DENND5B: variants seen among roughly 807,000 people sequenced by gnomAD.
DENND5B encodes DENN domain containing 5B.
In DENND5B, 34 loss-of-function variants were observed where a neutral mutation model predicts 140.6. The ratio of observed to expected loss-of-function variants is 0.24; its 90% CI spans 0.18 to 0.32. DENND5B has a LOEUF of 0.32. Among genes scored for constraint, DENND5B ranks in the 10% least tolerant of loss-of-function variants. DENND5B has a pLI of 1.00. For synonymous variants in DENND5B, 551 were observed against 562.1 expected (o/e 0.98, Z 0.28); for missense variants, 1,142 against 1,560.2 (o/e 0.73, Z 4.52).
intron 11 of DENND5B, among the ~76,000 whole-genome samples, chr12:31,422,942 C>CT (rs369745344): frequency 0.1 from 14,664 of 139,838 alleles, 926 homozygotes; most frequent in East Asian, 0.24. Flanking sequence ...GTTATAAAAA[C>CT]TTTTTTTTTT....
At chr12:31,406,959 C>T (rs1018223081) in intron 14 of DENND5B, among the ~76,000 whole-genome samples, 40 of 151,412 alleles carry the variant, frequency 2.6e-4, no homozygotes, top group African/African-American at 9.2e-4. Context: ...CCACCACGTC[C>T]GGCTAATTTT....
At chr12:31,520,715 T>C (rs534165687) in intron 1 of DENND5B, among the ~76,000 whole-genome samples, 1 of 152,168 alleles carries the variant, frequency 6.6e-6, no homozygotes, top group East Asian at 1.9e-4. Flanking sequence ...TAATTTTTGG[T>C]ATTTTTAATA....
intron 1 of DENND5B, among the ~76,000 whole-genome samples, chr12:31,498,031 T>C (rs1438881900): frequency 6.6e-6 from 1 of 152,002 alleles, no homozygotes; most frequent in Non-Finnish European, 1.5e-5. Context: ...TTAGGTTACT[T>C]TTCATTTCAC....
intron 1 of DENND5B, among the ~76,000 whole-genome samples, chr12:31,562,171 T>A (rs1256352201): frequency 6.6e-6 from 1 of 152,130 alleles, no homozygotes; most frequent in Non-Finnish European, 1.5e-5. Context: ...AAGACATGCT[T>A]AGAAATCATA....
chr12:31,551,613 T>A (rs558641727), intron 1 of DENND5B, among the ~76,000 whole-genome samples: 2 of 152,258 alleles, frequency 1.3e-5, no homozygotes, highest in African/African-American at 2.4e-5. Context: ...AGTCATTGGT[T>A]GCTTGATGGG....
At chr12:31,588,489 C>T (rs1348160124) in intron 1 of DENND5B, among the ~76,000 whole-genome samples, 2 of 152,330 alleles carry the variant, frequency 1.3e-5, no homozygotes, top group African/African-American at 4.8e-5. Flanking sequence ...CTGTACTGAA[C>T]ATGTACAGAC....
intron 1 of DENND5B, among the ~76,000 whole-genome samples, chr12:31,581,792 C>T (rs1181734335): frequency 6.6e-6 from 1 of 151,264 alleles, no homozygotes; most frequent in Non-Finnish European, 1.5e-5. Flanking sequence ...ATTACTTAAT[C>T]GCTCCTCATG....
intron 3 of DENND5B, among the ~76,000 whole-genome samples, chr12:31,473,631 T>C (rs557025827): frequency 1.3e-5 from 2 of 152,328 alleles, no homozygotes; most frequent in African/African-American, 4.8e-5. Flanking sequence ...GGTGCTGGAC[T>C]ACAGACTTTC....
chr12:31,456,324 C>T (rs1470025605), intron 4 of DENND5B, among the ~76,000 whole-genome samples: 26 of 78,168 alleles, frequency 3.3e-4, no homozygotes, highest in Middle Eastern at 5.0e-3. Context: ...AGTGAGACTC[C>T]GTCTCAAAAA....
chr12:31,396,949 C>T (rs1398635006), intron 17 of DENND5B, among the ~76,000 whole-genome samples: 1 of 152,094 alleles, frequency 6.6e-6, no homozygotes, highest in Non-Finnish European at 1.5e-5. Flanking sequence ...GGACAATCTC[C>T]TATTTCAAGA....
At chr12:31,394,572 T>C (rs1941326522) in intron 17 of DENND5B, among the ~76,000 whole-genome samples, 1 of 151,816 alleles carries the variant, frequency 6.6e-6, no homozygotes, top group Admixed American at 6.6e-5. Context: ...ACCACAATCA[T>C]GATACAGAAC....
At chr12:31,445,374 AT>A (rs1421058410) in intron 6 of DENND5B, among the ~76,000 whole-genome samples, 5 of 152,094 alleles carry the variant, frequency 3.3e-5, no homozygotes, top group African/African-American at 1.2e-4. Context: ...AGTTTTCTCA[AT>A]TGTAAAATGA....
At chr12:31,467,109 T>C (rs1945302670) in intron 3 of DENND5B, among the ~76,000 whole-genome samples, 1 of 150,862 alleles carries the variant, frequency 6.6e-6, no homozygotes, top group Non-Finnish European at 1.5e-5. Flanking sequence ...TCCAATGAAC[T>C]ATTTAAGATG....
At chr12:31,391,803 G>A (rs765381845) in intron 19 of DENND5B, among the ~76,000 whole-genome samples, 24 of 151,860 alleles carry the variant, frequency 1.6e-4, no homozygotes, top group Non-Finnish European at 2.6e-4. Context: ...TGGGACCACA[G>A]GTATGTGCTA....
intron 7 of DENND5B, among the ~76,000 whole-genome samples, chr12:31,435,018 G>A (rs746455002): frequency 6.6e-6 from 1 of 152,012 alleles, no homozygotes; most frequent in Non-Finnish European, 1.5e-5. Flanking sequence ...TAAATTCTGC[G>A]GAAAGCCACC....
intron 5 of DENND5B, among the ~76,000 whole-genome samples, chr12:31,449,211 C>T (rs1176636814): frequency 6.6e-6 from 1 of 152,100 alleles, no homozygotes; most frequent in Non-Finnish European, 1.5e-5. Context: ...TTTAAAAATA[C>T]TCATCAGCTT....
chr12:31,485,683 G>C (rs574340655), intron 2 of DENND5B, among the ~76,000 whole-genome samples: 2 of 152,190 alleles, frequency 1.3e-5, no homozygotes, highest in East Asian at 3.9e-4. Context: ...GCAGTGACAA[G>C]TGACAGAGTG....
chr12:31,554,973 A>C (rs1276422977), intron 1 of DENND5B, among the ~76,000 whole-genome samples: 1 of 152,022 alleles, frequency 6.6e-6, no homozygotes, highest in Non-Finnish European at 1.5e-5. Flanking sequence ...TTTTTTTTCA[A>C]AGCTTTTAAC....
chr12:31,426,453 G>A (rs142739322), intron 8 of DENND5B, 29 bp from the exon 9 acceptor site: 549 of 1,592,768 alleles, frequency 3.4e-4, no homozygotes, highest in African/African-American at 1.8e-3. Flanking sequence ...TTTTTAATGC[G>A]TAAACATTAG....
Sources: allele counts gnomAD v4.1 joint callset (sites outside exome capture counted in the v4.1 genomes callset), GRCh38; gene constraint gnomAD v4.1.1; transcripts MANE v1.5; gene names NCBI Gene and HGNC (gene_info 2026-07-23, HGNC 2026-07-21).